TSPAN14: variants seen among roughly 807,000 people sequenced by gnomAD.
The protein encoded by TSPAN14 is tetraspanin 14.
A neutral mutation model predicts 36.6 loss-of-function variants in TSPAN14; 16 were observed. The observed-to-expected ratio is 0.44, with a 90% CI of 0.30 to 0.66. The LOEUF (loss-of-function observed/expected upper bound fraction) is 0.66, where lower values mean the gene tolerates loss of function less well. TSPAN14 is among the 30% of genes least tolerant of loss of function. The probability of loss-of-function intolerance (pLI) is 0.12; values close to 1 mark genes in which losing one functional copy is unlikely to be tolerated. For synonymous variants in TSPAN14, 139 were observed against 143.8 expected, an observed-to-expected ratio of 0.97 and a Z score of 0.24; for missense variants, 231 against 355.1, an observed-to-expected ratio of 0.65 and a Z score of 2.81.
chr10:80,503,067 C>G (rs1263276522), intron 2 of TSPAN14, among the ~76,000 whole-genome samples: 1 of 151,936 alleles, frequency 6.6e-6, no homozygotes, highest in Non-Finnish European at 1.5e-5. Context: ...AAGTCTTGGC[C>G]TCCAGCTTTG....
chr10:80,481,075 A>G (rs1381651457), intron 1 of TSPAN14, among the ~76,000 whole-genome samples: 3 of 152,168 alleles, frequency 2.0e-5, no homozygotes, highest in Non-Finnish European at 4.4e-5. Flanking sequence ...AGGGCTCTCC[A>G]GCCAGGGTGA....
intron 2 of TSPAN14, among the ~76,000 whole-genome samples, chr10:80,503,937 A>G (rs1840133133): frequency 6.6e-6 from 1 of 151,714 alleles, no homozygotes; most frequent in African/African-American, 2.4e-5. Context: ...GTATATGGAA[A>G]AGCCCTCCCT....
chr10:80,461,309 A>T (rs1045360918), intron 1 of TSPAN14, among the ~76,000 whole-genome samples: 1 of 152,130 alleles, frequency 6.6e-6, no homozygotes, highest in East Asian at 1.9e-4. Context: ...TCGGCTGTGG[A>T]TGGGGCCTTC....
intron 1 of TSPAN14, among the ~76,000 whole-genome samples, chr10:80,485,363 T>C (rs532840280): frequency 2.0e-5 from 3 of 152,340 alleles, no homozygotes; most frequent in African/African-American, 7.2e-5. Flanking sequence ...ATCTGGGTTC[T>C]AGTTTCAGCA....
At chr10:80,485,405 G>T (rs1266650606) in intron 1 of TSPAN14, among the ~76,000 whole-genome samples, 2 of 152,128 alleles carry the variant, frequency 1.3e-5, no homozygotes, top group South Asian at 2.1e-4. Context: ...CTGCATTTTT[G>T]TGTAAATGCC....
intron 1 of TSPAN14, among the ~76,000 whole-genome samples, chr10:80,486,001 A>G (rs1847574294): frequency 6.6e-6 from 1 of 152,108 alleles, no homozygotes; most frequent in Non-Finnish European, 1.5e-5. Flanking sequence ...CTCTTCTTGG[A>G]TGAGAGAGGG....
At chr10:80,467,804 C>T (rs1439944639) in intron 1 of TSPAN14, among the ~76,000 whole-genome samples, 2 of 152,068 alleles carry the variant, frequency 1.3e-5, no homozygotes, top group African/African-American at 4.8e-5. Flanking sequence ...TGAGTGTGGC[C>T]CCTGGAGTTC....
rs1450055595 is a variant in TSPAN14, at chr10:80,519,556, A to G, written c.*1580A>G. On this transcript the variant is annotated 3_prime_UTR_variant, in exon 9 of 9. Coordinates refer to ENST00000429989, the Ensembl canonical transcript of TSPAN14. ...CAATTCTCTGTAGACTAGGAGAAGAATGCTTGTGTTTTTCGGAAGTGTGAT... is the reference window on the plus strand; with the variant it reads ...CAATTCTCTGTAGACTAGGAGAAGAGTGCTTGTGTTTTTCGGAAGTGTGAT... The G allele has an allele frequency of 3.3e-5, 5 of 151,456 alleles. No homozygotes were observed. In the East Asian group the frequency reaches 5.8e-4, roughly 18 times the overall value. The allele number at this position is 151,456 out of a possible 1,614,324, so 9.4% of individuals were successfully genotyped here. A position where few individuals can be genotyped will look rare whatever the true frequency, so the allele number is the denominator to read the frequency against.
chr10:80,489,436 G>A (rs1847804938), intron 2 of TSPAN14, 122 bp downstream of exon 2: 4 of 735,212 alleles, frequency 5.4e-6, no homozygotes, highest in South Asian at 1.6e-5. Context: ...GGTGGGCAGG[G>A]TCAGTGACCC....
intron 1 of TSPAN14, among the ~76,000 whole-genome samples, chr10:80,472,205 TC>T (rs1846591598): frequency 6.6e-6 from 1 of 152,200 alleles, no homozygotes; most frequent in South Asian, 2.1e-4. Flanking sequence ...TTTTTTTTGT[TC>T]CTCCAAGAAG....
In TSPAN14 at chr10:80,464,184, C is replaced by T. The variant is rs547599743; in HGVS notation, c.-18+9813C>T. 4.6e-5 allele frequency among the ~76,000 whole-genome samples: 7 copies of T among 152,296 alleles called. No individual in the cohort carries two copies. In the South Asian group the frequency reaches 8.3e-4, roughly 18 times the overall value. ...CAGCTTTTAGAGGAGCAGATTTTCCCGCAGTGTCAGGGGTTGGTGTGAGGA... is the reference window on the plus strand; with the variant it reads ...CAGCTTTTAGAGGAGCAGATTTTCCTGCAGTGTCAGGGGTTGGTGTGAGGA... On this transcript the variant is annotated intron_variant, in intron 1 of 8. Coordinates refer to ENST00000429989, the Ensembl canonical transcript of TSPAN14.
chr10:80,515,152 C>G (rs1460695614), intron 7 of TSPAN14, among the ~76,000 whole-genome samples: 2 of 152,138 alleles, frequency 1.3e-5, no homozygotes, highest in African/African-American at 2.4e-5. Context: ...TTTTTTGCCA[C>G]TTATATTAAT....
chr10:80,462,077 C>T (rs1487683420), intron 1 of TSPAN14, among the ~76,000 whole-genome samples: 2 of 151,720 alleles, frequency 1.3e-5, no homozygotes, highest in Non-Finnish European at 2.9e-5. Flanking sequence ...CCACACCCAG[C>T]TAATTTAAAG....
intron 1 of TSPAN14, among the ~76,000 whole-genome samples, chr10:80,457,698 G>A (rs147543633): frequency 4.5e-4 from 69 of 152,340 alleles, no homozygotes; most frequent in African/African-American, 1.6e-3. Flanking sequence ...TGGTGATGGA[G>A]CTTCTGTCTC....
In TSPAN14 at chr10:80,483,911, C is replaced by CAAAAAAA. The variant is rs57795678; in HGVS notation, c.-17-5272_-17-5266dup. ...GGCAACAAGAGCAAAACTCTTGTCT[C>CAAAAAAA]AAAAAAAAAAAAAAAAAAAAAAAAA... On this transcript the variant is annotated intron_variant, in intron 1 of 8. Coordinates refer to ENST00000429989, the Ensembl canonical transcript of TSPAN14. Among the ~76,000 whole-genome samples, 8 of 16,544 alleles carry CAAAAAAA rather than the reference C, an allele frequency of 4.8e-4. 1 individual carries two copies. The highest frequency in any genetic ancestry group is 8.8e-4 in the Non-Finnish European group (8 of 9,114). The allele number at this position is 16,544 out of a possible 152,430, so 10.9% of individuals were successfully genotyped here. A position where few individuals can be genotyped will look rare whatever the true frequency, so the allele number is the denominator to read the frequency against.
exon 8 of TSPAN14, chr10:80,516,218 G>T: frequency 6.2e-7 from 1 of 1,614,196 alleles, no homozygotes; most frequent in African/African-American, 1.3e-5. Flanking sequence ...AGAGCAAGTG[G>T]GATGAGTCCA....
chr10:80,503,387 T>C (rs1848635769), intron 2 of TSPAN14, among the ~76,000 whole-genome samples: 1 of 152,074 alleles, frequency 6.6e-6, no homozygotes, highest in Non-Finnish European at 1.5e-5. Flanking sequence ...CCGTGAATAT[T>C]TGTTGAATGA....
intron 1 of TSPAN14, among the ~76,000 whole-genome samples, chr10:80,477,292 A>G (rs1204411023): frequency 6.6e-6 from 1 of 152,228 alleles, no homozygotes; most frequent in East Asian, 1.9e-4. Flanking sequence ...TCTTTTATGT[A>G]ATAATGGACT....
Position 80,517,823 on chromosome 10 carries a change from G to A in TSPAN14, c.742-82G>A, listed in dbSNP as rs1268141971. 4.4e-6 allele frequency: 6 copies of A among 1,371,648 alleles called. No homozygotes were observed. The East Asian group carries it at 1.5e-4, about 34-fold the overall frequency. 85.0% of individuals were successfully genotyped at this position (1,371,648 alleles called of 1,614,324 possible). On this transcript the variant is annotated intron_variant, in intron 8 of 8. Transcript: ENST00000429989. ...GGGTGAGGAGAGGCGTGCAGTGGGA[G>A]CTCCCAACCCCACCCTCCGCTCCCT...
Sources: gnomAD v4.1 joint callset for allele counts (sites outside exome capture counted in the v4.1 genomes callset) on GRCh38, gnomAD v4.1.1 for gene constraint, MANE v1.5 for transcripts, NCBI Gene and HGNC (gene_info 2026-07-23, HGNC 2026-07-21) for gene names.